The following KDM4C variants were observed in gnomAD, a reference collection of about 807,000 sequenced individuals.
The protein encoded by KDM4C is lysine-specific demethylase 4C.
KDM4C carries 81 observed loss-of-function variants against 129.3 expected under a neutral mutation model. The ratio of observed to expected loss-of-function variants is 0.63; its 90% CI spans 0.52 to 0.75. The LOEUF (loss-of-function observed/expected upper bound fraction) is 0.75, where lower values mean the gene tolerates loss of function less well. KDM4C is among the 30% of genes least tolerant of loss of function. The pLI is 0.00. For synonymous variants in KDM4C, 573 were observed against 456.1 expected, an observed-to-expected ratio of 1.26 and a Z score of -3.26; for missense variants, 1,457 against 1,304.0, an observed-to-expected ratio of 1.12 and a Z score of -1.81.
chr9:6,855,707 A>T (rs1268977300), intron 5 of KDM4C, among the ~76,000 whole-genome samples: 1 of 152,072 alleles, frequency 6.6e-6, no homozygotes, highest in Non-Finnish European at 1.5e-5. Context: ...AGAAGAGAGA[A>T]GCTGCTTACT....
At chr9:6,991,541 A>C (rs1156269399) in intron 12 of KDM4C, among the ~76,000 whole-genome samples, 8 of 152,164 alleles carry the variant, frequency 5.3e-5, no homozygotes, top group Non-Finnish European at 1.0e-4. Flanking sequence ...GTTTTCTGTT[A>C]AGAGTCCTTC....
At chr9:6,949,691 A>C (rs1827749020) in intron 8 of KDM4C, among the ~76,000 whole-genome samples, 1 of 152,072 alleles carries the variant, frequency 6.6e-6, no homozygotes, top group Non-Finnish European at 1.5e-5. Flanking sequence ...AAAATACGAA[A>C]ACCAGTCAGG....
chr9:7,076,302 A>T (rs1262603632), intron 17 of KDM4C: 1 of 613,294 alleles, frequency 1.6e-6, no homozygotes, highest in Non-Finnish European at 2.9e-6. Flanking sequence ...CAGTTTATTC[A>T]AGGAATACAT....
intron 8 of KDM4C, among the ~76,000 whole-genome samples, chr9:6,929,485 T>G (rs941640935): frequency 2.0e-5 from 3 of 150,108 alleles, no homozygotes; most frequent in Non-Finnish European, 4.4e-5. Flanking sequence ...TTTTTTTTTT[T>G]TTTTTGGCAA....
At position 6,892,324 on chromosome 9, in the gene KDM4C, T is replaced by A. The variant is rs941295438; in HGVS notation, c.784-771T>A. The stretch of plus-strand genomic sequence containing the variant: ...TTTTTGTATCGGATAGATACTTTTT[T>A]AAAAAAGAAACAACACTACATTTTT... On this transcript the variant is annotated intron_variant, in intron 7 of 21. Transcript: ENST00000381309. Among the ~76,000 whole-genome samples, 9 of 152,222 alleles carry A rather than the reference T, an allele frequency of 5.9e-5. No homozygotes were observed. The East Asian group carries it at 7.7e-4, about 13-fold the overall frequency.
At chr9:7,172,807 C>CACCTCT (rs1189580049) in intron 21 of KDM4C, among the ~76,000 whole-genome samples, 2 of 152,174 alleles carry the variant, frequency 1.3e-5, no homozygotes, top group Non-Finnish European at 2.9e-5. Context: ...AAGTGTCTTT[C>CACCTCT]ACCTCTGCCT....
chr9:6,819,214 T>A (rs1367731407), intron 4 of KDM4C: 1 of 152,176 alleles, frequency 6.6e-6, no homozygotes, highest in South Asian at 2.1e-4. Flanking sequence ...CTGTATGTAT[T>A]TGGTAGTGAA....
intron 8 of KDM4C, chr9:6,924,874 A>G (rs888659039): frequency 1.1e-5 from 11 of 984,504 alleles, no homozygotes; most frequent in Non-Finnish European, 1.2e-5. Flanking sequence ...TTTTCAATGA[A>G]TATTTGGGGT....
At chr9:6,840,078 C>T (rs1836628592) in intron 4 of KDM4C, among the ~76,000 whole-genome samples, 1 of 151,272 alleles carries the variant, frequency 6.6e-6, no homozygotes, top group South Asian at 2.1e-4. Context: ...GTTATAATTT[C>T]CTCTTTTTTT....
chr9:6,834,675 G>A (rs576741866), intron 4 of KDM4C: 32 of 817,856 alleles, frequency 3.9e-5, no homozygotes, highest in African/African-American at 3.8e-4. Flanking sequence ...ATCGAGCATG[G>A]CATCATTACC....
chr9:6,885,528 C>G (rs1167206355), intron 6 of KDM4C, among the ~76,000 whole-genome samples: 1 of 152,010 alleles, frequency 6.6e-6, no homozygotes, highest in African/African-American at 2.4e-5. Context: ...ATTATCCTAG[C>G]CTTCCATCCC....
At chr9:6,766,586 T>A (rs1020062553) in intron 1 of KDM4C, among the ~76,000 whole-genome samples, 18 of 152,038 alleles carry the variant, frequency 1.2e-4, no homozygotes, top group Non-Finnish European at 2.4e-4. Context: ...GGAAGACTAA[T>A]GTCTTCAGTG....
intron 19 of KDM4C, among the ~76,000 whole-genome samples, chr9:7,161,665 C>G (rs1436964196): frequency 6.6e-6 from 1 of 152,204 alleles, no homozygotes; most frequent in Non-Finnish European, 1.5e-5. Flanking sequence ...CTGTCTGTCC[C>G]TGGCTTGGGC....
intron 18 of KDM4C, among the ~76,000 whole-genome samples, chr9:7,111,314 C>T (rs1838293808): frequency 6.6e-6 from 1 of 152,156 alleles, no homozygotes; most frequent in African/African-American, 2.4e-5. Flanking sequence ...AGGAAATGCT[C>T]ATTTAAGCAT....
chr9:6,797,129 C>T (rs1200822055), intron 2 of KDM4C, among the ~76,000 whole-genome samples: 1 of 151,904 alleles, frequency 6.6e-6, no homozygotes, highest in Non-Finnish European at 1.5e-5. Context: ...GTAGCTGGGA[C>T]TACCCACGCC....
At chr9:6,874,617 G>A (rs937517957) in intron 5 of KDM4C, among the ~76,000 whole-genome samples, 1 of 152,050 alleles carries the variant, frequency 6.6e-6, no homozygotes, top group Non-Finnish European at 1.5e-5. Flanking sequence ...AAATTTTTAG[G>A]GCAGTTCTTC....
At chr9:7,003,581 A>G (rs1321791895) in intron 12 of KDM4C, among the ~76,000 whole-genome samples, 1 of 152,242 alleles carries the variant, frequency 6.6e-6, no homozygotes, top group Non-Finnish European at 1.5e-5. Context: ...GAACAAAACT[A>G]TATACATCCA....
chr9:7,060,216 T>G (rs76509457), intron 17 of KDM4C, among the ~76,000 whole-genome samples: 1 of 144,884 alleles, frequency 6.9e-6, no homozygotes, highest in African/African-American at 2.5e-5. Context: ...CATTGTCATG[T>G]TTTTTTTTTT....
chr9:7,151,723 T>C (rs1842748364), intron 19 of KDM4C, among the ~76,000 whole-genome samples: 1 of 152,186 alleles, frequency 6.6e-6, no homozygotes, highest in African/African-American at 2.4e-5. Flanking sequence ...TTGGATAGAC[T>C]TGGAGTTTCC....
Sources: gnomAD v4.1 joint callset for allele counts (sites outside exome capture counted in the v4.1 genomes callset) on GRCh38, gnomAD v4.1.1 for gene constraint, MANE v1.5 for transcripts, NCBI Gene and HGNC (gene_info 2026-07-23, HGNC 2026-07-21) for gene names.